Variants in COP1 observed in about 807,000 individuals in gnomAD.
COP1 encodes the protein COP1 E3 ubiquitin ligase.
COP1 carries 24 observed loss-of-function variants against 101.3 expected under a neutral mutation model. The observed-to-expected ratio is 0.24, with a 90% CI of 0.17 to 0.33. The LOEUF is 0.33. COP1 is among the 10% of genes least tolerant of loss of function. COP1 has a pLI of 1.00. For missense variants in COP1, 663 were observed against 906.2 expected, an observed-to-expected ratio of 0.73 and a Z score of 3.45; for synonymous variants, 347 against 341.9, an observed-to-expected ratio of 1.01 and a Z score of -0.17.
At chr1:176,116,226 C>T (rs903278034) in intron 9 of COP1, among the ~76,000 whole-genome samples, 7 of 151,672 alleles carry the variant, frequency 4.6e-5, no homozygotes, top group African/African-American at 1.7e-4. Flanking sequence ...ACAGTAAGTA[C>T]AAAAATTAGC....
At chr1:176,194,392 C>A (rs949379704) in intron 1 of COP1, among the ~76,000 whole-genome samples, 4 of 152,200 alleles carry the variant, frequency 2.6e-5, no homozygotes, top group Admixed American at 2.0e-4. Context: ...CTAATCCCAG[C>A]ACTTTGGGAG....
intron 11 of COP1, among the ~76,000 whole-genome samples, chr1:176,073,723 C>T (rs550014326): frequency 1.3e-5 from 2 of 152,280 alleles, no homozygotes; most frequent in South Asian, 4.1e-4. Context: ...TCAAAGTAAA[C>T]AAATGCTGCC....
chr1:175,972,004 C>A (rs561286890), intron 18 of COP1, among the ~76,000 whole-genome samples: 2 of 152,118 alleles, frequency 1.3e-5, no homozygotes, highest in African/African-American at 2.4e-5. Context: ...TTTGGCACTT[C>A]TAAATTTCCA....
rs937074275 is a variant in COP1, at chr1:176,013,219, C to T, written c.1729+14353G>A. ...CTAAATGTTTTTGATCCAAGGTTGG[C>T]TAAATCAGCAGATGCCCAAGGGTAC... On this transcript the variant is annotated intron_variant, in intron 15 of 19. Coordinates refer to ENST00000367669, the MANE Select transcript of COP1 (RefSeq NM_022457.7). 2.0e-5 allele frequency among the ~76,000 whole-genome samples: 3 copies of T among 152,110 alleles called. 1 individual carries two copies. The Middle Eastern group carries it at 0.01, about 517-fold the overall frequency.
intron 6 of COP1, among the ~76,000 whole-genome samples, chr1:176,140,185 T>C (rs771721218): frequency 1.1e-4 from 17 of 152,306 alleles, no homozygotes; most frequent in Non-Finnish European, 2.2e-4. Flanking sequence ...TACTGGATCA[T>C]ATACCTATTG....
At position 176,164,946 on chromosome 1, in the gene COP1, G is replaced by C. The variant is rs758424464; in HGVS notation, c.566-1055C>G. Among the ~76,000 whole-genome samples the C allele has an allele frequency of 5.3e-5, 8 of 152,150 alleles. No individual in the cohort carries two copies. The South Asian group carries it at 1.7e-3, about 32-fold the overall frequency. The stretch of plus-strand genomic sequence containing the variant: ...AGAGATGAAGAAGTATTAGCACAGA[G>C]AGCATAAGTAACTTATGCATGGTGA... On this transcript the variant is annotated intron_variant, in intron 3 of 19. Coordinates refer to ENST00000367669, the MANE Select transcript of COP1 (RefSeq NM_022457.7).
rs1015787067 is a variant in COP1 at position 175,990,686 on chromosome 1, G to A, written c.1730-1207C>T. ...GTTTTGAGGTGTGTTGATAATTGAT[G>A]TATCTTTTCACTATTGATTCTTTTA... On this transcript the variant is annotated intron_variant, in intron 15 of 19. Transcript: ENST00000367669. Among the ~76,000 whole-genome samples the A allele has an allele frequency of 3.3e-5, 5 of 152,010 alleles. 1 individual carries two copies. In the South Asian group the frequency reaches 6.2e-4, roughly 19 times the overall value.
Position 176,136,530 on chromosome 1 carries a change from C to T in COP1, c.849G>A (p.Gln283=). 1 of 1,605,248 alleles carries T rather than the reference C, an allele frequency of 6.2e-7. No homozygotes were observed. ...CCTCTTCCAAAACACTTAGCTCCTT[C>T]TGGATCTGTTCCAGTTGCTGCAGAT... ...RNKREQLEQI[Q]KELSVLEEDI... The change falls in exon 7 of 20, where the codon CAG becomes CAA. Residue 283 remains glutamine, a synonymous_variant. Transcript: ENST00000367669.
At chr1:176,157,169 G>A (rs1693594777) in intron 5 of COP1, among the ~76,000 whole-genome samples, 8 of 152,082 alleles carry the variant, frequency 5.3e-5, no homozygotes, top group Admixed American at 5.2e-4. Flanking sequence ...ACTCCAGCCT[G>A]AGTGACAAAG....
At chr1:176,124,260 AAACAAC>A (rs1687638997) in intron 8 of COP1, among the ~76,000 whole-genome samples, 1 of 152,178 alleles carries the variant, frequency 6.6e-6, no homozygotes, top group Non-Finnish European at 1.5e-5. Flanking sequence ...TTTGTGTTAC[AAACAAC>A]CCAATTATAC....
intron 2 of COP1, among the ~76,000 whole-genome samples, chr1:176,179,743 GA>G (rs1697482371): frequency 6.6e-6 from 1 of 150,686 alleles, no homozygotes; most frequent in African/African-American, 2.4e-5. Flanking sequence ...CTCAAAAACA[GA>G]AAAAAAATTT....
intron 18 of COP1, chr1:175,947,450 A>T: frequency 2.3e-6 from 1 of 441,522 alleles, no homozygotes; most frequent in Non-Finnish European, 4.1e-6. Flanking sequence ...GGCTCACCAC[A>T]ACCTCCACTT....
intron 8 of COP1, among the ~76,000 whole-genome samples, chr1:176,121,968 G>A (rs746123394): frequency 8.6e-5 from 13 of 151,708 alleles, no homozygotes; most frequent in Admixed American, 2.0e-4. Context: ...GTGAAACCCC[G>A]TCTCTACTAA....
chr1:176,121,656 T>C (rs753972604), intron 8 of COP1, among the ~76,000 whole-genome samples: 1 of 152,198 alleles, frequency 6.6e-6, no homozygotes, highest in Non-Finnish European at 1.5e-5. Flanking sequence ...ACAGTATTTC[T>C]AAAATAGATT....
At chr1:176,136,398 C>T in intron 7 of COP1, 90 bp downstream of exon 7, 1 of 808,350 alleles carries the variant, frequency 1.2e-6, no homozygotes, top group Non-Finnish European at 2.0e-6. Context: ...AGACCAATCC[C>T]ATAAACTTAA....
At chr1:175,971,600 C>A (rs977421605) in intron 18 of COP1, among the ~76,000 whole-genome samples, 1 of 152,098 alleles carries the variant, frequency 6.6e-6, no homozygotes, top group South Asian at 2.1e-4. Context: ...GTACTCCACC[C>A]GCCACTCTCC....
chr1:176,002,187 TCTC>T (rs1043971230), intron 15 of COP1, among the ~76,000 whole-genome samples: 3 of 152,072 alleles, frequency 2.0e-5, no homozygotes, highest in Non-Finnish European at 4.4e-5. Context: ...CCTCTTTCTC[TCTC>T]CTCATCTTTT....
intron 1 of COP1, among the ~76,000 whole-genome samples, chr1:176,205,616 A>C (rs959869653): frequency 2.6e-5 from 4 of 152,244 alleles, no homozygotes; most frequent in African/African-American, 9.6e-5. Flanking sequence ...GCAGCTAGCT[A>C]ACAGCAATTA....
intron 9 of COP1, among the ~76,000 whole-genome samples, chr1:176,106,397 G>T (rs1422220230): frequency 6.6e-6 from 1 of 152,024 alleles, no homozygotes; most frequent in African/African-American, 2.4e-5. Flanking sequence ...CCTCCTTCTT[G>T]CCTGGCAACT....
Sources: allele counts gnomAD v4.1 joint callset (sites outside exome capture counted in the v4.1 genomes callset), GRCh38; gene constraint gnomAD v4.1.1; transcripts MANE v1.5; gene names NCBI Gene and HGNC (gene_info 2026-07-23, HGNC 2026-07-21).